Variants in DPYS observed in about 807,000 individuals in gnomAD.
The protein encoded by DPYS is dihydropyrimidinase.
DPYS carries 39 observed loss-of-function variants against 50.3 expected under a neutral mutation model. The observed-to-expected ratio is 0.78, with a 90% confidence interval of 0.60 to 1.01. The LOEUF (loss-of-function observed/expected upper bound fraction) is 1.01. Ranked by LOEUF, DPYS falls within the 50% of genes least tolerant of loss-of-function variation. The pLI is 0.00. For synonymous variants in DPYS, 245 were observed against 250.7 expected, an observed-to-expected ratio of 0.98 and a Z score of 0.22; for missense variants, 659 against 680.9, an observed-to-expected ratio of 0.97 and a Z score of 0.36.
intron 4 of DPYS, among the ~76,000 whole-genome samples, chr8:104,442,539 G>T (rs1446160231): frequency 1.3e-5 from 2 of 152,102 alleles, no homozygotes; most frequent in Admixed American, 6.6e-5. Flanking sequence ...CTTTAAAATC[G>T]CAGTACTTAT....
chr8:104,425,518 C>T (rs1812693225), intron 6 of DPYS, among the ~76,000 whole-genome samples: 1 of 151,988 alleles, frequency 6.6e-6, no homozygotes, highest in Admixed American at 6.5e-5. Flanking sequence ...GTTGCCCAGG[C>T]TGGTCTGGAA....
At chr8:104,422,587 GT>G (rs1425914413) in intron 7 of DPYS, among the ~76,000 whole-genome samples, 1 of 152,204 alleles carries the variant, frequency 6.6e-6, no homozygotes, top group Non-Finnish European at 1.5e-5. Flanking sequence ...CACGAGAGCT[GT>G]GACGTACAGA....
intron 4 of DPYS, among the ~76,000 whole-genome samples, chr8:104,434,261 C>T (rs927523522): frequency 6.6e-6 from 1 of 152,150 alleles, no homozygotes; most frequent in African/African-American, 2.4e-5. Flanking sequence ...AAAGTTTTAT[C>T]ATGCAGATGA....
intron 1 of DPYS, among the ~76,000 whole-genome samples, chr8:104,458,717 CGT>C (rs1814017134): frequency 6.6e-6 from 1 of 152,098 alleles, no homozygotes; most frequent in Admixed American, 6.6e-5. Context: ...GTGTAAGTTG[CGT>C]GTTAGTGTGA....
At chr8:104,415,653 T>C (rs1812339852) in intron 7 of DPYS, among the ~76,000 whole-genome samples, 1 of 152,106 alleles carries the variant, frequency 6.6e-6, no homozygotes, top group Admixed American at 6.5e-5. Context: ...TTTGAACAGT[T>C]TCACTGCTAA....
chr8:104,437,582 T>G (rs1813194807), intron 4 of DPYS, among the ~76,000 whole-genome samples: 1 of 152,184 alleles, frequency 6.6e-6, no homozygotes, highest in Non-Finnish European at 1.5e-5. Flanking sequence ...CCCTGCCCCT[T>G]TCCTGAAAAA....
chr8:104,382,538 G>GTTTTTTTT (rs11388669), intron 8 of DPYS, among the ~76,000 whole-genome samples: 1 of 128,284 alleles, frequency 7.8e-6, no homozygotes, highest in African/African-American at 2.9e-5. Flanking sequence ...CTTGGTCCCT[G>GTTTTTTTT]TTTTTTTTTT....
intron 6 of DPYS, among the ~76,000 whole-genome samples, chr8:104,426,584 T>C (rs928281060): frequency 7.9e-5 from 12 of 152,178 alleles, no homozygotes; most frequent in African/African-American, 2.9e-4. Context: ...ATGTGTAGGG[T>C]AAAAGCAATT....
intron 8 of DPYS, among the ~76,000 whole-genome samples, chr8:104,382,898 G>C (rs186986605): frequency 2.0e-5 from 3 of 152,302 alleles, no homozygotes; most frequent in Admixed American, 6.5e-5. Flanking sequence ...GCCGCCTACT[G>C]TGTGCTGTGC....
chr8:104,402,628 G>A (rs1302455629), intron 7 of DPYS, among the ~76,000 whole-genome samples: 1 of 152,168 alleles, frequency 6.6e-6, no homozygotes, highest in East Asian at 1.9e-4. Context: ...GACAACTTGA[G>A]CAGGAAAAGA....
At chr8:104,412,959 G>A (rs1419906810) in intron 7 of DPYS, among the ~76,000 whole-genome samples, 2 of 152,184 alleles carry the variant, frequency 1.3e-5, no homozygotes, top group East Asian at 1.9e-4. Context: ...ATAAGAGAGA[G>A]AAATGGGAAT....
At chr8:104,458,533 T>C (rs1383081754) in intron 1 of DPYS, among the ~76,000 whole-genome samples, 1 of 152,224 alleles carries the variant, frequency 6.6e-6, no homozygotes, top group African/African-American at 2.4e-5. Flanking sequence ...AGATTCTGAT[T>C]TAATCAATGT....
chr8:104,441,414 T>C (rs895741663), intron 4 of DPYS, among the ~76,000 whole-genome samples: 2 of 152,200 alleles, frequency 1.3e-5, no homozygotes, highest in Non-Finnish European at 2.9e-5. Flanking sequence ...TGTGAATATG[T>C]TACTTTACAT....
rs868684975 is a variant in DPYS, at chr8:104,383,005, T to G, written c.1444-1691A>C. Among the ~76,000 whole-genome samples the G allele has an allele frequency of 9.8e-5, 15 of 152,318 alleles. No individual in the cohort carries two copies. In the South Asian group the frequency reaches 1.0e-3, roughly 11 times the overall value. ...TCAGCTGTTCATTTTTTGTCTGTCC[T>G]GGACTCCGTCTTGGGAACTGACTGC... On this transcript the variant is annotated intron_variant, in intron 8 of 9. Coordinates refer to ENST00000351513, the MANE Select transcript of DPYS (RefSeq NM_001385.3).
intron 8 of DPYS, among the ~76,000 whole-genome samples, chr8:104,389,305 G>A (rs1225692044): frequency 6.6e-6 from 1 of 152,214 alleles, no homozygotes; most frequent in African/African-American, 2.4e-5. Context: ...CAAGGACTTT[G>A]ATAACCTCAT....
intron 7 of DPYS, among the ~76,000 whole-genome samples, chr8:104,408,665 AT>A (rs1812075276): frequency 6.6e-6 from 1 of 152,214 alleles, no homozygotes; most frequent in Non-Finnish European, 1.5e-5. Context: ...TAAATTACCC[AT>A]TACTATGAAA....
intron 1 of DPYS, among the ~76,000 whole-genome samples, chr8:104,457,464 G>A (rs1324884223): frequency 1.3e-5 from 2 of 152,158 alleles, no homozygotes; most frequent in Non-Finnish European, 2.9e-5. Flanking sequence ...CAGGTAACTG[G>A]AGAAATTGAA....
chr8:104,429,352 G>C, intron 5 of DPYS, 193 bp downstream of exon 5: 1 of 628,472 alleles, frequency 1.6e-6, no homozygotes, highest in South Asian at 2.0e-5. Flanking sequence ...GTCTAGGAAA[G>C]GCTTTGACAA....
rs189543695 is a variant in DPYS at position 104,449,239 on chromosome 8, G to A, written c.424-1736C>T. ...TAGTTTTATAGTCAGAAAAAAAAATGCTTGAAACATTGTTAGCATATTCAC... is the reference window on the plus strand; with the variant it reads ...TAGTTTTATAGTCAGAAAAAAAAATACTTGAAACATTGTTAGCATATTCAC... On this transcript the variant is annotated intron_variant, in intron 2 of 9. Coordinates refer to ENST00000351513, the MANE Select transcript of DPYS (RefSeq NM_001385.3). 2.0e-5 allele frequency among the ~76,000 whole-genome samples: 3 copies of A among 152,196 alleles called. No individual in the cohort carries two copies. The East Asian group carries it at 5.8e-4, about 29-fold the overall frequency.
Sources: gnomAD v4.1 joint callset for allele counts (sites outside exome capture counted in the v4.1 genomes callset) on GRCh38, gnomAD v4.1.1 for gene constraint, MANE v1.5 for transcripts, NCBI Gene and HGNC (gene_info 2026-07-23, HGNC 2026-07-21) for gene names.